Variants in DTNA observed in about 807,000 individuals in gnomAD.
DTNA encodes dystrophin-related protein 3.
DTNA carries 43 observed loss-of-function variants against 100.7 expected under a neutral mutation model. The ratio of observed to expected loss-of-function variants is 0.43; its 90% CI spans 0.33 to 0.55. The LOEUF (loss-of-function observed/expected upper bound fraction) is 0.55, where lower values mean the gene tolerates loss of function less well. Among genes scored for constraint, DTNA ranks in the 20% least tolerant of loss-of-function variants. The probability of loss-of-function intolerance (pLI) is 0.04; values close to 1 mark genes in which losing one functional copy is unlikely to be tolerated. For synonymous variants in DTNA, 349 were observed against 347.9 expected (o/e 1.00, Z -0.04); for missense variants, 798 against 953.9 (o/e 0.84, Z 2.15).
At chr18:34,729,596 A>G (rs1393920818) in intron 1 of DTNA, among the ~76,000 whole-genome samples, 1 of 152,224 alleles carries the variant, frequency 6.6e-6, no homozygotes, top group Non-Finnish European at 1.5e-5. Flanking sequence ...TAGGATTCAA[A>G]TAAACTAAAA....
At position 34,891,649 on chromosome 18, in the gene DTNA, C is replaced by T. The variant is rs901711424; in HGVS notation, c.*3915C>T. Reference sequence around the variant, plus strand: ...TACTATTCTGCTATTTATGGAAATCCTTATTATAATTGATATGGAAGTGAG... The same window carrying T: ...TACTATTCTGCTATTTATGGAAATCTTTATTATAATTGATATGGAAGTGAG... On this transcript the variant is annotated 3_prime_UTR_variant, in exon 23 of 23. Coordinates refer to ENST00000444659, the MANE Select transcript of DTNA (RefSeq NM_001386795.1). The T allele has an allele frequency of 1.3e-5, 2 of 152,118 alleles. No individual in the cohort carries two copies. Among genetic ancestry groups the T allele is most frequent in the African/African-American group, 4.8e-5 (2 of 41,406 alleles). 9.4% of individuals were successfully genotyped at this position (152,118 alleles called of 1,614,324 possible). A position where few individuals can be genotyped will look rare whatever the true frequency, so the allele number is the denominator to read the frequency against.
At chr18:34,547,572 A>G (rs887317972) in intron 1 of DTNA, among the ~76,000 whole-genome samples, 8 of 152,162 alleles carry the variant, frequency 5.3e-5, no homozygotes, top group Admixed American at 5.2e-4. Flanking sequence ...GGACAAGTTT[A>G]TGAAAGACAT....
At chr18:34,860,220 G>GTATTTTTTT (rs749839630) in intron 16 of DTNA, among the ~76,000 whole-genome samples, 6 of 80,280 alleles carry the variant, frequency 7.5e-5, no homozygotes, top group Admixed American at 1.5e-4. Context: ...CTAATTTTTT[G>GTATTTTTTT]TTTTTTTTTT....
At chr18:34,656,751 T>C (rs973520845) in intron 1 of DTNA, among the ~76,000 whole-genome samples, 3 of 152,212 alleles carry the variant, frequency 2.0e-5, no homozygotes, top group Admixed American at 6.5e-5. Context: ...GAGAAAATTA[T>C]AGTTGTTAGA....
intron 1 of DTNA, among the ~76,000 whole-genome samples, chr18:34,552,897 A>G (rs2045599498): frequency 7.0e-6 from 1 of 143,500 alleles, no homozygotes; most frequent in Non-Finnish European, 1.5e-5. Context: ...ATACCCAGTA[A>G]TGGGATGGCT....
At chr18:34,548,143 A>G (rs368107062) in intron 1 of DTNA, among the ~76,000 whole-genome samples, 7 of 152,256 alleles carry the variant, frequency 4.6e-5, no homozygotes, top group Non-Finnish European at 8.8e-5. Context: ...CTTTTAATGA[A>G]TGACTTCCTC....
At chr18:34,786,382 C>T (rs929402036) in intron 3 of DTNA, among the ~76,000 whole-genome samples, 2 of 152,110 alleles carry the variant, frequency 1.3e-5, no homozygotes, top group Non-Finnish European at 2.9e-5. Flanking sequence ...AGTGTAATTG[C>T]AATGGAAATT....
intron 15 of DTNA, among the ~76,000 whole-genome samples, chr18:34,852,606 A>G (rs2096494897): frequency 6.6e-6 from 1 of 152,076 alleles, no homozygotes. Flanking sequence ...TCCTCTTACC[A>G]TCACCTGCAA....
intron 1 of DTNA, among the ~76,000 whole-genome samples, chr18:34,736,771 C>T (rs1057467238): frequency 3.3e-5 from 5 of 152,056 alleles, no homozygotes; most frequent in African/African-American, 9.7e-5. Flanking sequence ...GTGAATCAAC[C>T]AAGTCATTTG....
chr18:34,598,487 TCA>T (rs1317426868), intron 1 of DTNA, among the ~76,000 whole-genome samples: 1 of 152,220 alleles, frequency 6.6e-6, no homozygotes, highest in Non-Finnish European at 1.5e-5. Flanking sequence ...TGTTTTCAAA[TCA>T]CAGTGTGGTG....
intron 1 of DTNA, among the ~76,000 whole-genome samples, chr18:34,533,531 C>T (rs953237358): frequency 2.0e-5 from 3 of 151,994 alleles, no homozygotes; most frequent in Admixed American, 6.6e-5. Flanking sequence ...CTAGAGGCAA[C>T]CATATGGCAA....
intron 1 of DTNA, among the ~76,000 whole-genome samples, chr18:34,519,267 C>A (rs917895928): frequency 2.6e-5 from 4 of 152,042 alleles, no homozygotes; most frequent in Non-Finnish European, 5.9e-5. Context: ...TTTTGAAAAT[C>A]ACCAGAAATC....
chr18:34,651,272 T>C (rs1433041410), intron 1 of DTNA, among the ~76,000 whole-genome samples: 1 of 152,228 alleles, frequency 6.6e-6, no homozygotes, highest in Non-Finnish European at 1.5e-5. Flanking sequence ...CATTTACTTA[T>C]TAGCAATACC....
At chr18:34,728,684 T>C (rs889542905) in intron 1 of DTNA, among the ~76,000 whole-genome samples, 7 of 152,216 alleles carry the variant, frequency 4.6e-5, no homozygotes, top group Admixed American at 3.9e-4. Context: ...CTCTTCCCTG[T>C]TTCAAGGCTT....
chr18:34,752,130 C>T (rs2092375708), intron 1 of DTNA, among the ~76,000 whole-genome samples: 1 of 152,156 alleles, frequency 6.6e-6, no homozygotes, highest in Non-Finnish European at 1.5e-5. Flanking sequence ...GAAGGAGCAA[C>T]AAAAACTGAC....
At chr18:34,841,455 C>T (rs990196629) in intron 13 of DTNA, among the ~76,000 whole-genome samples, 3 of 152,118 alleles carry the variant, frequency 2.0e-5, no homozygotes, top group African/African-American at 7.2e-5. Flanking sequence ...TGAGTTGTGA[C>T]TTCTCATGTT....
At chr18:34,566,423 A>G (rs983660609) in intron 1 of DTNA, among the ~76,000 whole-genome samples, 1 of 152,238 alleles carries the variant, frequency 6.6e-6, no homozygotes, top group Non-Finnish European at 1.5e-5. Context: ...AAGTTTGACA[A>G]ACATCTAGAA....
intron 1 of DTNA, among the ~76,000 whole-genome samples, chr18:34,662,616 T>C (rs2075354177): frequency 6.6e-6 from 1 of 152,200 alleles, no homozygotes; most frequent in African/African-American, 2.4e-5. Flanking sequence ...AACTAAAATT[T>C]GGATTTAGGT....
intron 1 of DTNA, among the ~76,000 whole-genome samples, chr18:34,629,766 C>T (rs895639070): frequency 4.6e-5 from 7 of 152,134 alleles, no homozygotes; most frequent in African/African-American, 1.7e-4. Context: ...GCTTCTACCA[C>T]CAGACACAAT....
Sources: allele counts gnomAD v4.1 joint callset (sites outside exome capture counted in the v4.1 genomes callset), GRCh38; gene constraint gnomAD v4.1.1; transcripts MANE v1.5; gene names NCBI Gene and HGNC (gene_info 2026-07-23, HGNC 2026-07-21).